The following P3H4 variants were observed in gnomAD, a reference collection of about 807,000 sequenced individuals.
P3H4 encodes the protein prolyl 3-hydroxylase family member 4 (inactive), also known as endoplasmic reticulum protein SC65.
P3H4 carries 47 observed loss-of-function variants against 52.9 expected under a neutral mutation model. The ratio of observed to expected loss-of-function variants is 0.89; its 90% confidence interval spans 0.70 to 1.13. The LOEUF is 1.13. Among genes scored for constraint, P3H4 ranks in the 50% most tolerant of loss-of-function variants. The pLI, the probability that P3H4 is intolerant of heterozygous loss-of-function variation, is 0.00. For synonymous variants in P3H4, 256 were observed against 267.9 expected (o/e 0.96, Z 0.44); for missense variants, 585 against 611.0 (o/e 0.96, Z 0.45).
Position 41,803,324 on chromosome 17 carries a change from C to G in P3H4, c.1254G>C (p.Trp418Cys). The G allele has an allele frequency of 6.2e-7, 1 of 1,614,048 alleles. No homozygotes were observed. Among genetic ancestry groups the G allele is most frequent in the Non-Finnish European group, 8.5e-7 (1 of 1,179,974 alleles). The change falls in exon 7 of 8, where the codon TGG becomes TGC. Residue 418 changes from tryptophan (W) to cysteine (C), a missense_variant. Trp to Cys is a radical substitution (Grantham distance 215). Coordinates refer to ENST00000393928, the MANE Select transcript of P3H4 (RefSeq NM_006455.3). ...CGTCACCCTTGGCATCCGGCTCCTG[C>G]CACCAGTCAGCATACATGCCCTCCT... ...DYEEGMYADW[W>C]QEPDAKGDEA...
chr17:41,807,172 A>G, intron 5 of P3H4: 2 of 449,442 alleles, frequency 4.4e-6, no homozygotes, highest in South Asian at 5.1e-5. Context: ...CTCAACTCCA[A>G]CAGATTTCCT....
intron 6 of P3H4, among the ~76,000 whole-genome samples, chr17:41,805,401 A>G (rs1459556731): frequency 1.3e-5 from 2 of 151,708 alleles, no homozygotes; most frequent in Admixed American, 6.6e-5. Flanking sequence ...ATCTCGGCTC[A>G]CTGCAACCTC....
In P3H4 at chr17:41,811,603, G is replaced by A; in HGVS notation, c.313C>T (p.Leu105Phe). 6.4e-7 allele frequency: 1 copy of A among 1,557,570 alleles called. No homozygotes were observed. Among genetic ancestry groups the A allele is most frequent in the South Asian group, 1.2e-5 (1 of 84,642 alleles). The change falls in exon 1 of 8, where the codon CTC becomes TTC. Residue 105 changes from leucine (L) to phenylalanine (F), a missense_variant. Leu to Phe is a conservative substitution (Grantham distance 22). Transcript: ENST00000393928. This position sits in a 1 kb window ranked among gnomAD's most constrained non-coding sequence, Gnocchi z 4.8. ...GCTCGCTCCAGGACGCGGCCGAAGA[G>A]CCGCAGCTCGCAGGCCCACTCGTCT... is the stretch of plus-strand genomic sequence containing the variant. ...RADEWACELR[L>F]FGRVLERAAC... is the part of the protein sequence containing the mutation.
intron 6 of P3H4, among the ~76,000 whole-genome samples, chr17:41,805,844 A>C (rs1555614115): frequency 6.6e-6 from 1 of 152,120 alleles, no homozygotes; most frequent in Non-Finnish European, 1.5e-5. Flanking sequence ...GCGTGGGGGC[A>C]TGAACAAAGG....
Position 41,811,855 on chromosome 17 carries a change from C to T in P3H4, c.61G>A (p.Glu21Lys). The change falls in exon 1 of 8, where the codon GAG becomes AAG. Residue 21 changes from glutamate (E) to lysine (K), a missense_variant. Transcript: ENST00000393928. The surrounding 1 kb of genome is among the most constrained non-coding windows in gnomAD (Gnocchi z 4.8). The stretch of plus-strand genomic sequence containing the variant: ...GGGAAGCCCCGGAAGCTGTACTTCT[C>T]GTACTGCGCCCCGGCGCTGCCCAGC... ...LLLGSAGAQY[E>K]KYSFRGFPPE... The T allele has an allele frequency of 6.5e-7, 1 of 1,545,998 alleles. No individual in the cohort carries two copies. Among genetic ancestry groups the T allele is most frequent in the Non-Finnish European group, 8.6e-7 (1 of 1,156,886 alleles).
At chr17:41,808,582 T>A (rs1311475723) in intron 4 of P3H4, among the ~76,000 whole-genome samples, 1 of 151,994 alleles carries the variant, frequency 6.6e-6, no homozygotes, top group East Asian at 1.9e-4. Context: ...AGACACGGGG[T>A]CTTGTCATGT....
chr17:41,811,939 G>C lies in P3H4; in HGVS notation c.-24C>G. 2.0e-6 allele frequency: 3 copies of C among 1,490,540 alleles called. No individual in the cohort carries two copies. Among genetic ancestry groups the C allele is most frequent in the Non-Finnish European group, 2.7e-6 (3 of 1,128,470 alleles). The allele number at this position is 1,490,540 out of a possible 1,614,324, so 92.3% of individuals were successfully genotyped here. A position where few individuals can be genotyped will look rare whatever the true frequency, so the allele number is the denominator to read the frequency against. On this transcript the variant is annotated 5_prime_UTR_variant, in exon 1 of 8. Coordinates refer to ENST00000393928, the MANE Select transcript of P3H4 (RefSeq NM_006455.3). This position sits in a 1 kb window ranked among gnomAD's most constrained non-coding sequence, Gnocchi z 4.8. ...ATGCCCGCCGCGCCGCCGGCTCTCC[G>C]GAGCTGAGCTGGCTGCCCCGCGGAC...
chr17:41,806,738 G>A (rs775232491), intron 6 of P3H4, 58 bp downstream of exon 6: 207 of 1,461,726 alleles, frequency 1.4e-4, no homozygotes, highest in Non-Finnish European at 1.9e-4. Context: ...GGTGGCCCCA[G>A]GAAAAGGTCC....
chr17:41,807,195 T>C (rs1689774412), intron 5 of P3H4: 4 of 391,808 alleles, frequency 1.0e-5, no homozygotes, highest in Non-Finnish European at 1.9e-5. Context: ...ATTGGTTACC[T>C]AGGGTGTTCC....
rs974130101 is a variant in P3H4 at position 41,811,800 on chromosome 17, G to C, written c.116C>G (p.Ala39Gly). Residue 39 changes from alanine (A) to glycine (G), a missense_variant, in exon 1 of 8, where the codon GCG becomes GGG. Physicochemically the swap from Ala to Gly is moderately conservative, Grantham distance 60. Transcript: ENST00000393928. This position sits in a 1 kb window ranked among gnomAD's most constrained non-coding sequence, Gnocchi z 4.8. ...GTACTGCTCCAGAGCGTGCCCGTACGCCGCGGCCAGCGGCATCAGGTCCTC... is the reference window on the plus strand; with the variant it reads ...GTACTGCTCCAGAGCGTGCCCGTACCCCGCGGCCAGCGGCATCAGGTCCTC... ...PPEDLMPLAA[A>G]YGHALEQYEG... 2.6e-6 allele frequency: 4 copies of C among 1,535,154 alleles called. No individual in the cohort carries two copies. Among genetic ancestry groups the C allele is most frequent in the Non-Finnish European group, 3.5e-6 (4 of 1,152,598 alleles).
At chr17:41,807,767 G>A (rs2047688888) in intron 5 of P3H4, 92 bp downstream of exon 5, 3 of 1,478,470 alleles carry the variant, frequency 2.0e-6, no homozygotes, top group Non-Finnish European at 2.7e-6. Flanking sequence ...CAAAGTGCTG[G>A]GATTACAGGC....
chr17:41,811,536 T>A lies in P3H4; in HGVS notation c.380A>T (p.Gln127Leu). The change falls in exon 1 of 8, where the codon CAG (glutamine) becomes CTG (leucine). Residue 127 changes from glutamine to leucine, a missense_variant. Coordinates refer to ENST00000393928, the MANE Select transcript of P3H4 (RefSeq NM_006455.3). This position sits in a 1 kb window ranked among gnomAD's most constrained non-coding sequence, Gnocchi z 4.8. ...RRCKRTLPAF[Q>L]VPYPPRQLLR... ...CAGCTGCCGCGGCGGGTAGGGCACC[T>A]GGAAGGCGGGCAGCGTCCGCTTGCA... is the stretch of plus-strand genomic sequence containing the variant. The A allele has an allele frequency of 6.2e-7, 1 of 1,610,840 alleles. No individual in the cohort carries two copies. The highest frequency in any genetic ancestry group is 8.5e-7 in the Non-Finnish European group (1 of 1,179,292).
In P3H4 at chr17:41,811,098, C is replaced by T. The variant is rs782587054; in HGVS notation, c.615+34G>A. 6 of 1,612,910 alleles carry T rather than the reference C, an allele frequency of 3.7e-6. No individual in the cohort carries two copies. Among genetic ancestry groups the T allele is most frequent in the Non-Finnish European group, 4.2e-6 (5 of 1,179,044 alleles). On this transcript the variant is annotated intron_variant, in intron 2 of 7. Transcript: ENST00000393928. The surrounding 1 kb of genome is among the most constrained non-coding windows in gnomAD (Gnocchi z 4.8). ...ACATCTCCCCTCCTCTACTAGCCCTCCTCTACAAGCCTCCTCCTGACCCTC... is the reference window on the plus strand; with the variant it reads ...ACATCTCCCCTCCTCTACTAGCCCTTCTCTACAAGCCTCCTCCTGACCCTC...
chr17:41,809,341 G>A (rs1290452029), intron 4 of P3H4, among the ~76,000 whole-genome samples: 16 of 152,236 alleles, frequency 1.1e-4, no homozygotes, highest in Non-Finnish European at 2.1e-4. Context: ...ACTTGAATCC[G>A]GGAGGCAGCG....
At chr17:41,808,437 G>A (rs1238759235) in intron 4 of P3H4, among the ~76,000 whole-genome samples, 1 of 152,158 alleles carries the variant, frequency 6.6e-6, no homozygotes, top group African/African-American at 2.4e-5. Context: ...ACCCAGGTTG[G>A]AGTGCAGTGG....
chr17:41,805,084 G>A (rs1351298361), intron 6 of P3H4, among the ~76,000 whole-genome samples: 6 of 151,956 alleles, frequency 3.9e-5, no homozygotes, highest in African/African-American at 1.4e-4. Flanking sequence ...AGGAGATCGA[G>A]ACCATACGGG....
intron 4 of P3H4, among the ~76,000 whole-genome samples, chr17:41,808,233 G>T (rs554012476): frequency 1.2e-4 from 19 of 152,204 alleles, no homozygotes; most frequent in African/African-American, 4.6e-4. Flanking sequence ...TATTGTTTTT[G>T]AAACAGGGTC....
intron 6 of P3H4, among the ~76,000 whole-genome samples, chr17:41,804,388 G>T (rs2144013249): frequency 6.6e-6 from 1 of 152,254 alleles, no homozygotes; most frequent in Non-Finnish European, 1.5e-5. Context: ...CACTTTGGGA[G>T]GCTGAGGTCG....
In P3H4 at chr17:41,811,111, C is replaced by G; in HGVS notation, c.615+21G>C. ...TCTACTAGCCCTCCTCTACAAGCCT[C>G]CTCCTGACCCTCCACCCCACCTCGT... On this transcript the variant is annotated intron_variant, in intron 2 of 7. Transcript: ENST00000393928. The surrounding 1 kb of genome is among the most constrained non-coding windows in gnomAD (Gnocchi z 4.8). The G allele has an allele frequency of 1.2e-6, 2 of 1,613,994 alleles. No individual in the cohort carries two copies. Among genetic ancestry groups the G allele is most frequent in the African/African-American group, 2.7e-5 (2 of 75,072 alleles).
Sources: gnomAD v4.1 joint callset for allele counts (sites outside exome capture counted in the v4.1 genomes callset) on GRCh38, gnomAD v4.1.1 for gene constraint, Gnocchi (gnomAD v3.1) non-coding constraint, MANE v1.5 for transcripts, NCBI Gene and HGNC (gene_info 2026-07-23, HGNC 2026-07-21) for gene names.